DPYD: variants seen among roughly 807,000 people sequenced by gnomAD.
DPYD encodes the protein dihydropyrimidine dehydrogenase.
A neutral mutation model predicts 116.2 loss-of-function variants in DPYD; 109 were observed. The observed-to-expected ratio is 0.94, with a 90% CI of 0.80 to 1.10. DPYD has a LOEUF of 1.10. DPYD is among the 50% of genes least tolerant of loss of function. DPYD has a pLI of 0.00. For synonymous variants in DPYD, 440 were observed against 432.0 expected, an observed-to-expected ratio of 1.02 and a Z score of -0.23; for missense variants, 1,302 against 1,254.5, an observed-to-expected ratio of 1.04 and a Z score of -0.57.
intron 18 of DPYD, among the ~76,000 whole-genome samples, chr1:97,290,348 A>G (rs907748208): frequency 2.0e-5 from 3 of 152,176 alleles, no homozygotes; most frequent in Non-Finnish European, 2.9e-5. Context: ...TAAAGTTCAT[A>G]TGGAACCAAA....
chr1:97,257,559 A>G (rs899492216), intron 18 of DPYD, among the ~76,000 whole-genome samples: 1 of 151,556 alleles, frequency 6.6e-6, no homozygotes, highest in African/African-American at 2.4e-5. Context: ...GTATACGTAT[A>G]TATATATTTG....
chr1:97,344,907 C>T (rs1218832668), intron 16 of DPYD, among the ~76,000 whole-genome samples: 1 of 151,928 alleles, frequency 6.6e-6, no homozygotes, highest in Non-Finnish European at 1.5e-5. Flanking sequence ...CTGCAAAATG[C>T]TTTCCCAAAG....
intron 1 of DPYD, among the ~76,000 whole-genome samples, chr1:97,918,066 G>A (rs923703080): frequency 2.0e-5 from 3 of 152,072 alleles, no homozygotes; most frequent in African/African-American, 7.2e-5. Flanking sequence ...ACAAAATTCA[G>A]ACTGTATCCA....
At chr1:97,619,813 T>C (rs1656521615) in intron 8 of DPYD, among the ~76,000 whole-genome samples, 2 of 152,306 alleles carry the variant, frequency 1.3e-5, no homozygotes, top group South Asian at 4.1e-4. Flanking sequence ...AACATTATTT[T>C]CTGGGCTTAA....
intron 1 of DPYD, among the ~76,000 whole-genome samples, chr1:97,902,722 A>G (rs1673426353): frequency 6.6e-6 from 1 of 151,882 alleles, no homozygotes; most frequent in Non-Finnish European, 1.5e-5. Flanking sequence ...AATTAGTAAC[A>G]TTCAGATTCT....
intron 3 of DPYD, among the ~76,000 whole-genome samples, chr1:97,774,415 ATGATAT>A (rs1431024212): frequency 2.0e-5 from 3 of 152,064 alleles, no homozygotes; most frequent in African/African-American, 7.2e-5. Context: ...CTCTTCCTTT[ATGATAT>A]TAAGAGTTTT....
intron 18 of DPYD, among the ~76,000 whole-genome samples, chr1:97,251,391 T>TAAA (rs10581072): frequency 4.7e-4 from 45 of 95,276 alleles, no homozygotes; most frequent in South Asian, 1.9e-3. Context: ...AAACTCTGTC[T>TAAA]AAAAAAAAAA....
chr1:97,215,241 C>T (rs1660300463), intron 19 of DPYD, among the ~76,000 whole-genome samples: 1 of 152,158 alleles, frequency 6.6e-6, no homozygotes, highest in African/African-American at 2.4e-5. Flanking sequence ...CTAGTAAGCC[C>T]AAGGTCATAT....
At chr1:97,674,329 T>A (rs1660028332) in intron 8 of DPYD, among the ~76,000 whole-genome samples, 1 of 152,208 alleles carries the variant, frequency 6.6e-6, no homozygotes, top group Non-Finnish European at 1.5e-5. Context: ...TATAATTGAT[T>A]TCACTGCATT....
intron 8 of DPYD, among the ~76,000 whole-genome samples, chr1:97,657,018 A>G (rs1334869298): frequency 1.5e-5 from 2 of 137,438 alleles, no homozygotes; most frequent in Admixed American, 8.1e-5. Context: ...CCCAGGCTGG[A>G]GTGCAGCAGC....
intron 14 of DPYD, among the ~76,000 whole-genome samples, chr1:97,423,939 C>T (rs1365695267): frequency 6.6e-6 from 1 of 151,996 alleles, no homozygotes; most frequent in Non-Finnish European, 1.5e-5. Flanking sequence ...ACTATAAAAC[C>T]AAATATGCAG....
At chr1:97,749,739 T>C (rs1376768093) in intron 3 of DPYD, among the ~76,000 whole-genome samples, 3 of 152,168 alleles carry the variant, frequency 2.0e-5, no homozygotes, top group African/African-American at 7.2e-5. Context: ...AAGCCATATG[T>C]AATTTTTTTT....
At chr1:97,608,622 T>C (rs1487513278) in intron 8 of DPYD, among the ~76,000 whole-genome samples, 1 of 151,966 alleles carries the variant, frequency 6.6e-6, no homozygotes, top group Admixed American at 6.6e-5. Flanking sequence ...ATGAAATGTT[T>C]AGTGCTTCCT....
At chr1:97,223,420 AAC>A (rs952844892) in intron 19 of DPYD, among the ~76,000 whole-genome samples, 1 of 114,334 alleles carries the variant, frequency 8.7e-6, no homozygotes, top group African/African-American at 3.3e-5. Context: ...CACACACACA[AAC>A]ACACACACAT....
At chr1:97,535,613 T>C (rs1649936940) in intron 12 of DPYD, among the ~76,000 whole-genome samples, 1 of 152,212 alleles carries the variant, frequency 6.6e-6, no homozygotes, top group African/African-American at 2.4e-5. Flanking sequence ...CAATTTCATT[T>C]TAAATTACTT....
intron 3 of DPYD, among the ~76,000 whole-genome samples, chr1:97,757,616 G>A (rs1481231542): frequency 6.6e-6 from 1 of 152,078 alleles, no homozygotes; most frequent in Non-Finnish European, 1.5e-5. Flanking sequence ...AACTGAAATT[G>A]TTAGAAGGTA....
chr1:97,717,255 A>G (rs549821358), intron 5 of DPYD, among the ~76,000 whole-genome samples: 2 of 152,218 alleles, frequency 1.3e-5, no homozygotes, highest in East Asian at 3.9e-4. Context: ...AGGATTGAGT[A>G]AAGTCAAATG....
At chr1:97,845,754 G>A (rs1219966807) in intron 2 of DPYD, among the ~76,000 whole-genome samples, 1 of 152,212 alleles carries the variant, frequency 6.6e-6, no homozygotes, top group East Asian at 1.9e-4. Context: ...GCCAGACCTA[G>A]GGGTTACCTG....
chr1:97,225,560 GT>G (rs59058167), intron 19 of DPYD, among the ~76,000 whole-genome samples: 35,306 of 115,456 alleles, frequency 0.31, 2,882 homozygotes, highest in Middle Eastern at 0.39. Flanking sequence ...AAATCAGGTT[GT>G]TTTTTTTTTT....
Sources: gnomAD v4.1 joint callset for allele counts (sites outside exome capture counted in the v4.1 genomes callset) on GRCh38, gnomAD v4.1.1 for gene constraint, MANE v1.5 for transcripts, NCBI Gene and HGNC (gene_info 2026-07-23, HGNC 2026-07-21) for gene names.